DCLRE1C: variants seen among roughly 807,000 people sequenced by gnomAD.
DCLRE1C encodes DNA cross-link repair 1C.
DCLRE1C carries 47 observed loss-of-function variants against 61.4 expected under a neutral mutation model. That is an observed-to-expected ratio of 0.77 (90% confidence interval 0.61 to 0.98). DCLRE1C has a LOEUF of 0.98. Among genes scored for constraint, DCLRE1C ranks in the 50% least tolerant of loss-of-function variants. The pLI is 0.00. For synonymous variants in DCLRE1C, 337 were observed against 287.6 expected (o/e 1.17, Z -1.74); for missense variants, 858 against 816.0 (o/e 1.05, Z -0.63).
At chr10:14,930,619 G>C (rs11259396) in intron 9 of DCLRE1C, among the ~76,000 whole-genome samples, 1 of 152,004 alleles carries the variant, frequency 6.6e-6, no homozygotes, top group Non-Finnish European at 1.5e-5. Context: ...TTTTACTAGA[G>C]ACGGGGTTTT....
At chr10:14,919,487 GAA>G (rs1836745631) in intron 13 of DCLRE1C, among the ~76,000 whole-genome samples, 1 of 152,178 alleles carries the variant, frequency 6.6e-6, no homozygotes, top group African/African-American at 2.4e-5. Flanking sequence ...TGTATTTCCA[GAA>G]AGCTGAGAAC....
rs755792300 is a variant in DCLRE1C at position 14,945,189 on chromosome 10, G to A, written c.162C>T (p.Ser54=). Residue 54 remains serine, a splice_region_variant and synonymous_variant, in exon 3 of 14, where the codon AGC becomes AGT. Transcript: ENST00000378278. ...APTLKRRLEC[S]LKVYLYCSPV... ...GTGAACAGTATAGATAAACCTTCAA[G>A]CTGAAAGGAAAAAAGAAAAAAACTT... 1 of 1,611,464 alleles carries A rather than the reference G, an allele frequency of 6.2e-7. No homozygotes were observed. Among genetic ancestry groups the A allele is most frequent in the Non-Finnish European group, 8.5e-7 (1 of 1,178,826 alleles).
intron 3 of DCLRE1C, among the ~76,000 whole-genome samples, chr10:14,944,448 G>A (rs908882226): frequency 3.3e-5 from 5 of 151,992 alleles, no homozygotes; most frequent in Admixed American, 2.0e-4. Flanking sequence ...GCAGTGAGCC[G>A]AGTTTGAGCC....
intron 4 of DCLRE1C, 139 bp from the exon 5 acceptor site, chr10:14,936,732 T>C (rs1839989602): frequency 3.0e-6 from 2 of 659,200 alleles, no homozygotes; most frequent in Admixed American, 2.5e-5. Context: ...ACACTCCAAA[T>C]CCTAGAAACA....
chr10:14,935,419 A>AAAAATAAAAT, intron 6 of DCLRE1C, 44 bp downstream of exon 6: 1 of 1,589,306 alleles, frequency 6.3e-7, no homozygotes, highest in South Asian at 1.1e-5. Flanking sequence ...TCCATTTCAC[A>AAAAATAAAAT]AAAATAAAAT....
chr10:14,935,938 T>C (rs1340943530), intron 5 of DCLRE1C, among the ~76,000 whole-genome samples: 4 of 152,244 alleles, frequency 2.6e-5, no homozygotes, highest in Non-Finnish European at 5.9e-5. Flanking sequence ...GATAAGAGTC[T>C]TGCTCTGTCC....
intron 3 of DCLRE1C, among the ~76,000 whole-genome samples, chr10:14,943,802 T>C (rs1188679775): frequency 6.6e-6 from 1 of 152,170 alleles, no homozygotes; most frequent in African/African-American, 2.4e-5. Context: ...CGCCTCGGCC[T>C]CCCAAAGTGC....
At chr10:14,922,305 A>G (rs1426263269) in intron 12 of DCLRE1C, among the ~76,000 whole-genome samples, 2 of 151,992 alleles carry the variant, frequency 1.3e-5, no homozygotes, top group Non-Finnish European at 2.9e-5. Flanking sequence ...GCCGGGCATG[A>G]TGGCATGCAC....
intron 3 of DCLRE1C, among the ~76,000 whole-genome samples, chr10:14,940,903 G>A (rs1316995909): frequency 6.6e-6 from 1 of 152,178 alleles, no homozygotes; most frequent in Non-Finnish European, 1.5e-5. Context: ...TTATTTTTGA[G>A]ATAGGGTCTC....
chr10:14,918,789 G>C (rs1235165885), intron 13 of DCLRE1C, among the ~76,000 whole-genome samples: 1 of 151,958 alleles, frequency 6.6e-6, no homozygotes, highest in Non-Finnish European at 1.5e-5. Context: ...CCAGTTATAG[G>C]CTTACTATAT....
At chr10:14,899,780 C>A, downstream of DCLRE1C, 1 of 1,391,886 alleles carries the variant, frequency 7.2e-7, no homozygotes, top group South Asian at 1.4e-5. Flanking sequence ...ACTACATATC[C>A]TTTTAACATT....
intron 3 of DCLRE1C, among the ~76,000 whole-genome samples, chr10:14,944,015 C>A (rs902535553): frequency 2.6e-5 from 4 of 152,156 alleles, no homozygotes; most frequent in African/African-American, 9.7e-5. Context: ...TGGACAGATG[C>A]ATTTTATTCT....
At chr10:14,929,757 A>G (rs1029879171) in intron 9 of DCLRE1C, among the ~76,000 whole-genome samples, 3 of 152,208 alleles carry the variant, frequency 2.0e-5, no homozygotes, top group East Asian at 1.9e-4. Flanking sequence ...TTCCAAAGTC[A>G]TTATTTTGAA....
In DCLRE1C at chr10:14,905,294, C is replaced by T. The variant is rs1344285058; in HGVS notation, c.*3114G>A. On this transcript the variant is annotated 3_prime_UTR_variant, in exon 14 of 14. Coordinates refer to ENST00000378278, the MANE Select transcript of DCLRE1C (RefSeq NM_001033855.3). ...AATATTAAAGGACAATTTGACATTT[C>T]GCTAGCATAATGTGGATGAATACTT... 6.6e-6 allele frequency among the ~76,000 whole-genome samples: 1 copy of T among 152,218 alleles called. No individual in the cohort carries two copies. The highest frequency in any genetic ancestry group is 2.4e-5 in the African/African-American group (1 of 41,456).
chr10:14,923,209 C>T, intron 11 of DCLRE1C, 140 bp from the exon 12 acceptor site: 1 of 691,364 alleles, frequency 1.4e-6, no homozygotes, highest in Non-Finnish European at 2.6e-6. Context: ...TGGGGATCAC[C>T]AGGGACCTCT....
chr10:14,921,611 A>G (rs1837132330), intron 12 of DCLRE1C, among the ~76,000 whole-genome samples: 1 of 152,136 alleles, frequency 6.6e-6, no homozygotes, highest in African/African-American at 2.4e-5. Context: ...GCACACACAA[A>G]TGACCTAATT....
In DCLRE1C at chr10:14,937,063, T is replaced by C. The variant is rs369970489; in HGVS notation, c.307-470A>G. Among the ~76,000 whole-genome samples the C allele has an allele frequency of 3.2e-4, 48 of 152,324 alleles. No homozygotes were observed. In the East Asian group the frequency reaches 6.9e-3, roughly 22 times the overall value. ...CCGGATAAGAAATGAACACATGTTG[T>C]ATGATTCCACTCATATGAAATATCC... On this transcript the variant is annotated intron_variant, in intron 4 of 13. Transcript: ENST00000378278.
intron 4 of DCLRE1C, among the ~76,000 whole-genome samples, chr10:14,937,281 C>CA (rs1840097243): frequency 1.8e-5 from 2 of 110,616 alleles, no homozygotes; most frequent in Non-Finnish European, 3.6e-5. Flanking sequence ...AAGCTATTTA[C>CA]TTTTTTTTTT....
At chr10:14,940,613 G>A (rs773584924) in intron 3 of DCLRE1C, among the ~76,000 whole-genome samples, 7 of 152,154 alleles carry the variant, frequency 4.6e-5, no homozygotes, top group Non-Finnish European at 8.8e-5. Context: ...AAGTGCTGCC[G>A]AACGCTCCCT....
Sources: allele counts gnomAD v4.1 joint callset (sites outside exome capture counted in the v4.1 genomes callset), GRCh38; gene constraint gnomAD v4.1.1; transcripts MANE v1.5; gene names NCBI Gene and HGNC (gene_info 2026-07-23, HGNC 2026-07-21).